The following TUBGCP3 variants were observed in gnomAD, a reference collection of about 807,000 sequenced individuals.
The protein encoded by TUBGCP3 is tubulin gamma complex component 3.
TUBGCP3 carries 50 observed loss-of-function variants against 123.1 expected under a neutral mutation model. That is an observed-to-expected ratio of 0.41 (90% confidence interval 0.32 to 0.51). The LOEUF (loss-of-function observed/expected upper bound fraction) is 0.51, where lower values mean the gene tolerates loss of function less well. TUBGCP3 is among the 20% of genes least tolerant of loss of function. TUBGCP3 has a pLI of 0.36. For synonymous variants in TUBGCP3, 405 were observed against 413.9 expected (o/e 0.98, Z 0.26); for missense variants, 882 against 1,127.0 (o/e 0.78, Z 3.11).
chr13:112,566,821 T>A (rs1426536679), intron 2 of TUBGCP3, among the ~76,000 whole-genome samples: 4 of 152,218 alleles, frequency 2.6e-5, no homozygotes, highest in African/African-American at 9.6e-5. Context: ...TTTTAGCACA[T>A]CTCCAGTTAC....
In TUBGCP3 at chr13:112,527,453, G is replaced by C; in HGVS notation, c.1367C>G (p.Thr456Arg). Residue 456 changes from threonine (T) to arginine (R), a missense_variant, in exon 12 of 22, where the codon ACA becomes AGA. Thr to Arg is a moderately conservative substitution (Grantham distance 71). Around this residue, in one of 3 missense-constraint regions of TUBGCP3, gnomAD observed 713 missense variants for 874.0 expected, o/e 0.82. Coordinates refer to ENST00000261965, the MANE Select transcript of TUBGCP3 (RefSeq NM_006322.6). ...ATACTTGTCGTGCCACAGTCGATCT[G>C]TTTTAACTGTTGGATCTGATGCTAC... Reference protein sequence around the residue: ...FFVASDPTVKTDRLWHDKYTL... With the variant: ...FFVASDPTVKRDRLWHDKYTL... The C allele has an allele frequency of 6.2e-7, 1 of 1,612,402 alleles. No homozygotes were observed. Among genetic ancestry groups the C allele is most frequent in the Non-Finnish European group, 8.5e-7 (1 of 1,179,516 alleles).
At chr13:112,521,891 G>A (rs1057472501) in intron 14 of TUBGCP3, 1 of 976,778 alleles carries the variant, frequency 1.0e-6, no homozygotes, top group African/African-American at 1.8e-5. Flanking sequence ...CATGAGAAAT[G>A]TCAGGGAGCA....
Position 112,561,405 on chromosome 13 carries a change from A to G in TUBGCP3, c.253-2006T>C, listed in dbSNP as rs563643619. On this transcript the variant is annotated intron_variant, in intron 3 of 21. Coordinates refer to ENST00000261965, the MANE Select transcript of TUBGCP3 (RefSeq NM_006322.6). ...TGACAGGGCTTATTCTCTTCATGCC[A>G]TAAATGAGAGAACAAAGGACAGCAA... is the stretch of plus-strand genomic sequence containing the variant. Among the ~76,000 whole-genome samples, 6 of 152,348 alleles carry G rather than the reference A, an allele frequency of 3.9e-5. No homozygotes were observed. The South Asian group carries it at 1.2e-3, about 32-fold the overall frequency.
chr13:112,587,771 C>A lies in TUBGCP3; in HGVS notation c.76+134G>T, dbSNP rs1040124869. 5.4e-6 allele frequency: 4 copies of A among 746,264 alleles called. No homozygotes were observed. The African/African-American group carries it at 7.4e-5, about 14-fold the overall frequency. 46.2% of individuals were successfully genotyped at this position (746,264 alleles called of 1,614,324 possible). The stretch of plus-strand genomic sequence containing the variant: ...CCGCTCCCTCGTCCGGGCCCCACGT[C>A]CTCGGCCCGTCCCCCAGCCCTCTGC... On this transcript the variant is annotated intron_variant, in intron 1 of 21. Coordinates refer to ENST00000261965, the MANE Select transcript of TUBGCP3 (RefSeq NM_006322.6).
At chr13:112,502,649 C>T (rs1379340138) in intron 19 of TUBGCP3, among the ~76,000 whole-genome samples, 4 of 151,068 alleles carry the variant, frequency 2.6e-5, no homozygotes, top group Non-Finnish European at 5.9e-5. Context: ...GGGTTCACGC[C>T]ATTCTCCTGC....
intron 20 of TUBGCP3, among the ~76,000 whole-genome samples, chr13:112,495,983 C>CA (rs911477224): frequency 4.0e-5 from 6 of 151,304 alleles, no homozygotes; most frequent in East Asian, 3.9e-4. Context: ...TTTTTTCCCT[C>CA]AAAAAAAACT....
At chr13:112,491,564 C>T (rs1159139545) in intron 20 of TUBGCP3, among the ~76,000 whole-genome samples, 1 of 152,192 alleles carries the variant, frequency 6.6e-6, no homozygotes, top group Non-Finnish European at 1.5e-5. Context: ...GCTTTATATG[C>T]TTTGTTCGTG....
At chr13:112,551,221 G>A (rs1879559764) in intron 8 of TUBGCP3, among the ~76,000 whole-genome samples, 1 of 152,258 alleles carries the variant, frequency 6.6e-6, no homozygotes, top group Admixed American at 6.5e-5. Context: ...AACCAAAAGA[G>A]TGGAAGTGCA....
At chr13:112,596,251 T>C in the TUBGCP3 span, among the ~76,000 whole-genome samples, 4,766 of 152,330 alleles carry the variant, frequency 0.031, 105 homozygotes, top group Middle Eastern at 0.058. Context: ...TTCGTGATTC[T>C]GTCTTTTTCA....
chr13:112,558,393 T>C lies in TUBGCP3; in HGVS notation c.351A>G (p.Leu117=), dbSNP rs144978495. 16 of 1,572,264 alleles carry C rather than the reference T, an allele frequency of 1.0e-5. No individual in the cohort carries two copies. The African/African-American group carries it at 1.8e-4, about 17-fold the overall frequency. ...QPSKVSSYAT[L]FAQALPRDAH... ...CATCTCTTGGTAAGGCCTGAGCAAA[T>C]AACGTAGCATAGCTAGAAACCTGAA... Residue 117 remains leucine, a synonymous_variant, in exon 5 of 22, where the codon TTA becomes TTG. Transcript: ENST00000261965.
chr13:112,595,765 A>G, the TUBGCP3 span, among the ~76,000 whole-genome samples: 5 of 152,034 alleles, frequency 3.3e-5, no homozygotes, highest in East Asian at 1.9e-4. Flanking sequence ...TCTAATCTCT[A>G]TCTTCTAGTT....
At chr13:112,569,020 T>C (rs1402778855) in intron 2 of TUBGCP3, 132 bp downstream of exon 2, 3 of 729,728 alleles carry the variant, frequency 4.1e-6, no homozygotes, top group Non-Finnish European at 6.8e-6. Flanking sequence ...AGAATTGACT[T>C]GTCCTTATTT....
chr13:112,543,640 GTA>G (rs1878712957), intron 11 of TUBGCP3, among the ~76,000 whole-genome samples: 2 of 152,224 alleles, frequency 1.3e-5, no homozygotes, highest in East Asian at 3.9e-4. Context: ...ACAGATTCAA[GTA>G]TATAGAGAAA....
At chr13:112,580,732 A>T (rs1204663239) in intron 1 of TUBGCP3, among the ~76,000 whole-genome samples, 2 of 152,198 alleles carry the variant, frequency 1.3e-5, no homozygotes, top group African/African-American at 4.8e-5. Flanking sequence ...GGGCAGAGGA[A>T]AAACACTTCA....
intron 3 of TUBGCP3, among the ~76,000 whole-genome samples, chr13:112,560,637 C>T (rs1880440575): frequency 6.6e-6 from 1 of 152,220 alleles, no homozygotes; most frequent in Admixed American, 6.5e-5. Context: ...CCTTTATTTA[C>T]ATAACAAATT....
chr13:112,596,075 A>C, the TUBGCP3 span, among the ~76,000 whole-genome samples: 1 of 152,138 alleles, frequency 6.6e-6, no homozygotes, highest in Admixed American at 6.5e-5. Context: ...GTCCCTTTAC[A>C]TTCCCCTGTT....
At chr13:112,577,992 T>C (rs1881962578) in intron 1 of TUBGCP3, among the ~76,000 whole-genome samples, 1 of 152,204 alleles carries the variant, frequency 6.6e-6, no homozygotes, top group Non-Finnish European at 1.5e-5. Context: ...AAGCTGAGTG[T>C]TGGGAGAAGC....
At chr13:112,554,691 T>C (rs1042412962) in intron 7 of TUBGCP3, among the ~76,000 whole-genome samples, 196 bp downstream of exon 7, 2 of 151,924 alleles carry the variant, frequency 1.3e-5, no homozygotes, top group African/African-American at 2.4e-5. Context: ...CACACATTAA[T>C]CACAAAGGGT....
chr13:112,572,147 T>C (rs1881448378), intron 1 of TUBGCP3, among the ~76,000 whole-genome samples: 1 of 152,262 alleles, frequency 6.6e-6, no homozygotes, highest in Admixed American at 6.5e-5. Context: ...GAGGCCTAGC[T>C]TCTCGCGTAT....
Sources: allele counts gnomAD v4.1 joint callset (sites outside exome capture counted in the v4.1 genomes callset), GRCh38; gene constraint gnomAD v4.1.1; regional missense constraint gnomAD v4.1.1; transcripts MANE v1.5; gene names NCBI Gene and HGNC (gene_info 2026-07-23, HGNC 2026-07-21).